Variants in CNTNAP2 observed in about 807,000 individuals in gnomAD.
CNTNAP2 encodes the protein contactin associated protein 2.
In CNTNAP2, 98 loss-of-function variants were observed where a neutral mutation model predicts 155.2. The observed-to-expected ratio is 0.63, with a 90% CI of 0.54 to 0.75. The LOEUF (loss-of-function observed/expected upper bound fraction) is 0.75. CNTNAP2 is among the 30% of genes least tolerant of loss of function. The probability of loss-of-function intolerance (pLI) is 0.00; values close to 1 mark genes in which losing one functional copy is unlikely to be tolerated. For synonymous variants in CNTNAP2, 651 were observed against 631.2 expected (o/e 1.03, Z -0.47); for missense variants, 1,727 against 1,688.1 (o/e 1.02, Z -0.40).
At chr7:147,693,577 A>T in intron 13 of CNTNAP2, among the ~76,000 whole-genome samples, 2 of 149,044 alleles carry the variant, frequency 1.3e-5, no homozygotes, top group East Asian at 2.0e-4. Context: ...TAGGTATATC[A>T]TTTTCGGGGG....
intron 1 of CNTNAP2, among the ~76,000 whole-genome samples, chr7:146,713,396 T>G (rs918486126): frequency 2.0e-5 from 3 of 152,102 alleles, no homozygotes; most frequent in South Asian, 2.1e-4. Flanking sequence ...GCTTTGTAGC[T>G]TGCTTCTTAA....
intron 21 of CNTNAP2, among the ~76,000 whole-genome samples, chr7:148,355,231 G>A (rs1359967684): frequency 8.3e-6 from 1 of 120,694 alleles, no homozygotes; most frequent in Non-Finnish European, 1.6e-5. Flanking sequence ...GCCCAGGCTG[G>A]AGTGCAGTGG....
chr7:147,230,114 G>T (rs1215115603), intron 8 of CNTNAP2, among the ~76,000 whole-genome samples: 11 of 152,094 alleles, frequency 7.2e-5, no homozygotes. Context: ...GTTAAATGAA[G>T]AACACGCTTT....
chr7:146,744,360 T>A (rs116165560), intron 1 of CNTNAP2, among the ~76,000 whole-genome samples: 2,339 of 152,204 alleles, frequency 0.015, 62 homozygotes, highest in African/African-American at 0.054. Context: ...TTAAGCCTTA[T>A]TTACTGGGAT....
At chr7:147,823,770 G>A (rs879336141) in intron 13 of CNTNAP2, among the ~76,000 whole-genome samples, 2 of 151,822 alleles carry the variant, frequency 1.3e-5, no homozygotes, top group Non-Finnish European at 2.9e-5. Context: ...TAGGTGAATG[G>A]CTTAAAACAA....
intron 1 of CNTNAP2, among the ~76,000 whole-genome samples, chr7:146,475,797 A>G (rs1303785543): frequency 6.6e-6 from 1 of 152,220 alleles, no homozygotes; most frequent in African/African-American, 2.4e-5. Flanking sequence ...AGTCCTCCCA[A>G]TACCCCAAAA....
At chr7:146,277,940 AAAG>A (rs1384235207) in intron 1 of CNTNAP2, among the ~76,000 whole-genome samples, 14 of 152,190 alleles carry the variant, frequency 9.2e-5, no homozygotes, top group Admixed American at 9.2e-4. Context: ...AAGAAAATAA[AAAG>A]AAAACTGAAA....
chr7:147,301,586 CTCTCTCTGTG>C (rs1291657272), intron 9 of CNTNAP2, among the ~76,000 whole-genome samples: 10 of 63,054 alleles, frequency 1.6e-4, no homozygotes, highest in African/African-American at 2.3e-4. Flanking sequence ...CTCTCTCTCT[CTCTCTCTGTG>C]TGTGTGTGTG....
At chr7:147,062,523 T>C (rs2129262877) in intron 4 of CNTNAP2, among the ~76,000 whole-genome samples, 1 of 152,320 alleles carries the variant, frequency 6.6e-6, no homozygotes, top group East Asian at 1.9e-4. Flanking sequence ...CCACGTTTAC[T>C]AAATGGGTAT....
At chr7:148,331,439 TATGGAATGGATGGATGG>T (rs1162788957) in intron 21 of CNTNAP2, among the ~76,000 whole-genome samples, 2 of 58,132 alleles carry the variant, frequency 3.4e-5, no homozygotes, top group Non-Finnish European at 6.7e-5. Context: ...GGAGTGGACG[TATGGAATGGATGGATGG>T]ATGGATGGAT....
At chr7:147,360,973 C>A (rs1217357915) in intron 9 of CNTNAP2, among the ~76,000 whole-genome samples, 1 of 151,998 alleles carries the variant, frequency 6.6e-6, no homozygotes, top group Admixed American at 6.6e-5. Flanking sequence ...GGTCATGAAG[C>A]CCAAAACAAC....
chr7:146,946,142 T>C (rs1453389718), intron 3 of CNTNAP2, among the ~76,000 whole-genome samples: 5 of 150,562 alleles, frequency 3.3e-5, no homozygotes, highest in Admixed American at 6.6e-5. Flanking sequence ...TTCCTTCCTT[T>C]CTTCTTTCCT....
intron 8 of CNTNAP2, among the ~76,000 whole-genome samples, chr7:147,243,109 T>A (rs1803979923): frequency 1.3e-5 from 2 of 148,428 alleles, no homozygotes; most frequent in Admixed American, 6.9e-5. Flanking sequence ...GTGATTCCCG[T>A]GCCTCAGCCT....
At chr7:146,880,309 G>C (rs1478998495) in intron 3 of CNTNAP2, among the ~76,000 whole-genome samples, 1 of 151,916 alleles carries the variant, frequency 6.6e-6, no homozygotes. Context: ...ATTCATAAAA[G>C]CTCCTTTATG....
intron 13 of CNTNAP2, among the ~76,000 whole-genome samples, chr7:147,736,418 T>A (rs10244222): frequency 3.3e-5 from 5 of 152,136 alleles, no homozygotes; most frequent in African/African-American, 9.7e-5. Flanking sequence ...CTTCCCTTTG[T>A]GGGTAACCCG....
intron 16 of CNTNAP2, among the ~76,000 whole-genome samples, chr7:148,123,540 T>C (rs749450253): frequency 1.3e-5 from 2 of 151,582 alleles, no homozygotes; most frequent in Non-Finnish European, 2.9e-5. Context: ...GAGGCAGCAG[T>C]GAGCTATGAT....
At chr7:146,474,910 T>C (rs1796851879) in intron 1 of CNTNAP2, among the ~76,000 whole-genome samples, 1 of 152,116 alleles carries the variant, frequency 6.6e-6, no homozygotes. Context: ...GCCACCAGCT[T>C]AGGTGTGGGT....
At chr7:147,750,641 C>T (rs1448531246) in intron 13 of CNTNAP2, among the ~76,000 whole-genome samples, 1 of 152,180 alleles carries the variant, frequency 6.6e-6, no homozygotes, top group Non-Finnish European at 1.5e-5. Context: ...AATTTTTGTT[C>T]ATATATTTTT....
chr7:146,922,473 G>A lies in CNTNAP2; in HGVS notation c.402+82569G>A, dbSNP rs898299799. Among the ~76,000 whole-genome samples, 8 of 152,058 alleles carry A rather than the reference G, an allele frequency of 5.3e-5. No individual in the cohort carries two copies. The East Asian group carries it at 1.4e-3, about 26-fold the overall frequency. The stretch of plus-strand genomic sequence containing the variant: ...CATTTGAGTGAACACCTGCACTCCT[G>A]TATCAATATATATGGTTGTTTTGGG... On this transcript the variant is annotated intron_variant, in intron 3 of 23. Coordinates refer to ENST00000361727, the MANE Select transcript of CNTNAP2 (RefSeq NM_014141.6).
Sources: gnomAD v4.1 joint callset for allele counts (sites outside exome capture counted in the v4.1 genomes callset) on GRCh38, gnomAD v4.1.1 for gene constraint, MANE v1.5 for transcripts, NCBI Gene and HGNC (gene_info 2026-07-23, HGNC 2026-07-21) for gene names.